Variants in DNMT3A observed in about 807,000 individuals in gnomAD.
DNMT3A encodes the protein DNA methyltransferase 3 alpha.
In DNMT3A, 267 loss-of-function variants were observed where a neutral mutation model predicts 117.6. The observed-to-expected ratio is 2.27, with a 90% CI of 2.05 to 2.51. DNMT3A has a LOEUF of 2.51. Ranked by LOEUF, DNMT3A falls within the 30% of genes most tolerant of loss-of-function variation. DNMT3A has a pLI of 0.00. For synonymous variants in DNMT3A, 432 were observed against 474.8 expected (o/e 0.91, Z 1.17); for missense variants, 1,029 against 1,260.2 (o/e 0.82, Z 2.78).
At position 25,247,915 on chromosome 2, in the gene DNMT3A, C is replaced by CG. The variant is rs1675024445; in HGVS notation, c.855+121dup. 1.3e-6 allele frequency: 2 copies of CG among 1,520,360 alleles called. No homozygotes were observed. The highest frequency in any genetic ancestry group is 2.8e-5 in the African/African-American group (2 of 71,958). 94.2% of individuals were successfully genotyped at this position (1,520,360 alleles called of 1,614,324 possible). A position where few individuals can be genotyped will look rare whatever the true frequency, so the allele number is the denominator to read the frequency against. On this transcript the variant is annotated intron_variant, in intron 7 of 22. Coordinates refer to ENST00000321117, the MANE Select transcript of DNMT3A (RefSeq NM_022552.5). The surrounding 1 kb of genome is among the most constrained non-coding windows in gnomAD (Gnocchi z 5.6). ...GCAAAATCGGGGAGACGAAGAGGCC[C>CG]GGGGTCAGGTGGAGAGAGCGAGCGG...
rs1045799590 is a variant in DNMT3A at position 25,247,956 on chromosome 2, G to A, written c.855+81C>T. The A allele has an allele frequency of 6.3e-6, 10 of 1,589,454 alleles. No homozygotes were observed. Among genetic ancestry groups the A allele is most frequent in the Non-Finnish European group, 8.6e-6 (10 of 1,166,952 alleles). ...GAGCGAGCGGCCCGTGGGAGATGGA[G>A]AGAGGAGAGCAGGACGGGAGGAGCT... On this transcript the variant is annotated intron_variant, in intron 7 of 22. Transcript: ENST00000321117. The surrounding 1 kb of genome is among the most constrained non-coding windows in gnomAD (Gnocchi z 5.6).
intron 6 of DNMT3A, among the ~76,000 whole-genome samples, chr2:25,251,035 A>G (rs1392742702): frequency 6.6e-6 from 1 of 151,908 alleles, no homozygotes; most frequent in Non-Finnish European, 1.5e-5. Flanking sequence ...CCGCGCTGCG[A>G]GCTGTTCAGC....
At chr2:25,310,943 T>C (rs1326280539) in intron 2 of DNMT3A, among the ~76,000 whole-genome samples, 1 of 152,194 alleles carries the variant, frequency 6.6e-6, no homozygotes, top group Non-Finnish European at 1.5e-5. Context: ...TGAGAACCAC[T>C]GGTCCCCTGC....
chr2:25,253,849 G>A (rs993048972), intron 6 of DNMT3A, among the ~76,000 whole-genome samples: 4 of 152,128 alleles, frequency 2.6e-5, no homozygotes, highest in African/African-American at 7.2e-5. Flanking sequence ...TGAGGCAGGC[G>A]GATCATGAGG....
intron 4 of DNMT3A, among the ~76,000 whole-genome samples, chr2:25,278,911 G>A (rs1228692748): frequency 6.6e-6 from 1 of 152,170 alleles, no homozygotes; most frequent in Non-Finnish European, 1.5e-5. Context: ...CATATACATG[G>A]GAAGCATGAG....
intron 3 of DNMT3A, among the ~76,000 whole-genome samples, chr2:25,291,964 C>T (rs944801474): frequency 6.6e-6 from 1 of 152,160 alleles, no homozygotes; most frequent in African/African-American, 2.4e-5. Context: ...TTTAAAAAGC[C>T]ATTATGCTGG....
chr2:25,253,135 C>CTGGGGCCTCCAGG (rs1301783024), intron 6 of DNMT3A, among the ~76,000 whole-genome samples: 3 of 152,160 alleles, frequency 2.0e-5, no homozygotes, highest in African/African-American at 7.2e-5. Context: ...GACTCCTCTC[C>CTGGGGCCTCCAGG]TGGGGCCTCC....
chr2:25,280,329 C>T (rs985325555), intron 4 of DNMT3A, among the ~76,000 whole-genome samples: 1 of 132,314 alleles, frequency 7.6e-6, no homozygotes, highest in Non-Finnish European at 1.6e-5. Flanking sequence ...CGCCCCCCCA[C>T]CCCCCACCCC....
intron 6 of DNMT3A, among the ~76,000 whole-genome samples, chr2:25,265,188 T>C (rs2030193768): frequency 6.6e-6 from 1 of 152,044 alleles, no homozygotes; most frequent in Non-Finnish European, 1.5e-5. Flanking sequence ...GGAGGGGTGG[T>C]CGGGGAGGCT....
chr2:25,247,836 A>T lies in DNMT3A; in HGVS notation c.856-87T>A, dbSNP rs1159374268. Reference sequence around the variant, plus strand: ...CCCCATGGCAACCCCAGCCCTGGGCATCTGGGGGGCAGGACAGCCAGGAGG... The same window carrying T: ...CCCCATGGCAACCCCAGCCCTGGGCTTCTGGGGGGCAGGACAGCCAGGAGG... On this transcript the variant is annotated intron_variant, in intron 7 of 22. Coordinates refer to ENST00000321117, the MANE Select transcript of DNMT3A (RefSeq NM_022552.5). This position sits in a 1 kb window ranked among gnomAD's most constrained non-coding sequence, Gnocchi z 5.6. 6.4e-7 allele frequency: 1 copy of T among 1,562,670 alleles called. No homozygotes were observed. The highest frequency in any genetic ancestry group is 8.6e-7 in the Non-Finnish European group (1 of 1,158,268).
intron 6 of DNMT3A, among the ~76,000 whole-genome samples, chr2:25,267,703 G>A (rs1251132934): frequency 2.0e-5 from 3 of 152,166 alleles, no homozygotes; most frequent in Non-Finnish European, 2.9e-5. Context: ...TCTGTGCTAG[G>A]AGCTTTAAAT....
chr2:25,237,601 C>T lies in DNMT3A; in HGVS notation c.2409-596G>A, dbSNP rs1177922514. ...TGATCAACATGGTGAAACCCGGTCT[C>T]TACTAATATAAAAATTAGCCAGACG... is the stretch of plus-strand genomic sequence containing the variant. On this transcript the variant is annotated intron_variant, in intron 20 of 22. Transcript: ENST00000321117. The surrounding 1 kb of genome is among the most constrained non-coding windows in gnomAD (Gnocchi z 5.4). 2.6e-5 allele frequency among the ~76,000 whole-genome samples: 4 copies of T among 152,220 alleles called. No individual in the cohort carries two copies. In the East Asian group the frequency reaches 5.8e-4, roughly 22 times the overall value.
chr2:25,288,857 C>T (rs2032522457), intron 3 of DNMT3A, among the ~76,000 whole-genome samples: 1 of 152,124 alleles, frequency 6.6e-6, no homozygotes, highest in African/African-American at 2.4e-5. Context: ...TAAAGGAATG[C>T]TCCTTTAAAT....
rs2035329912 is a variant in DNMT3A at position 25,339,396 on chromosome 2, T to C, written c.-178+2430A>G. On this transcript the variant is annotated intron_variant, in intron 1 of 22. Transcript: ENST00000321117. This position sits in a 1 kb window ranked among gnomAD's most constrained non-coding sequence, Gnocchi z 4.9. ...CCTTGAGTCTAGAAGGAATTCACCTTTCTTAGGGTCAGTCTCCTATGGAAG... is the reference window on the plus strand; with the variant it reads ...CCTTGAGTCTAGAAGGAATTCACCTCTCTTAGGGTCAGTCTCCTATGGAAG... 6.6e-6 allele frequency among the ~76,000 whole-genome samples: 1 copy of C among 152,154 alleles called. No individual in the cohort carries two copies. The highest frequency in any genetic ancestry group is 1.5e-5 in the Non-Finnish European group (1 of 68,034).
Position 25,282,337 on chromosome 2 carries a change from C to T in DNMT3A, c.448+104G>A, listed in dbSNP as rs111975910. On this transcript the variant is annotated intron_variant, in intron 4 of 22. Transcript: ENST00000321117. The surrounding 1 kb of genome is among the most constrained non-coding windows in gnomAD (Gnocchi z 5.2). ...GCCTTGGCAAGCAGACCTTTAGCCA[C>T]GACCCAGACCATCCTTCCTGGGACC... 8.8e-4 allele frequency: 1,335 copies of T among 1,516,858 alleles called. 11 individuals carry two copies. The African/African-American group carries it at 0.016, about 19-fold the overall frequency. The allele number at this position is 1,516,858 out of a possible 1,614,324, so 94.0% of individuals were successfully genotyped here.
At chr2:25,244,721 TC>T in intron 13 of DNMT3A, 69 bp from the exon 14 acceptor site, 3 of 1,354,418 alleles carry the variant, frequency 2.2e-6, no homozygotes, top group Non-Finnish European at 3.2e-6. Context: ...GAAGGGAGGC[TC>T]CACACCTGGC....
At chr2:25,319,415 G>A (rs2149435744) in intron 1 of DNMT3A, among the ~76,000 whole-genome samples, 1 of 152,298 alleles carries the variant, frequency 6.6e-6, no homozygotes, top group Non-Finnish European at 1.5e-5. Flanking sequence ...ATCCCAAAGT[G>A]CTGGGATTAC....
intron 2 of DNMT3A, among the ~76,000 whole-genome samples, chr2:25,301,221 A>G (rs1441149003): frequency 6.6e-6 from 1 of 151,892 alleles, no homozygotes; most frequent in Non-Finnish European, 1.5e-5. Flanking sequence ...GTGAGCCAAG[A>G]TCACGCCACT....
At position 25,252,177 on chromosome 2, in the gene DNMT3A, T is replaced by A; in HGVS notation, c.640-3925A>T. ...TCCCCGCCCCCGGTCTCCCCGGGGC[T>A]CCGTCCAGGAACCTACCCATAAGGC... On this transcript the variant is annotated intron_variant, in intron 6 of 22. Transcript: ENST00000321117. This position sits in a 1 kb window ranked among gnomAD's most constrained non-coding sequence, Gnocchi z 5.5. 2 of 1,562,662 alleles carry A rather than the reference T, an allele frequency of 1.3e-6. No homozygotes were observed. Among genetic ancestry groups the A allele is most frequent in the Non-Finnish European group, 1.7e-6 (2 of 1,155,578 alleles).
Sources: gnomAD v4.1 joint callset for allele counts (sites outside exome capture counted in the v4.1 genomes callset) on GRCh38, gnomAD v4.1.1 for gene constraint, Gnocchi (gnomAD v3.1) non-coding constraint, MANE v1.5 for transcripts, NCBI Gene and HGNC (gene_info 2026-07-23, HGNC 2026-07-21) for gene names.